Variants in DOCK7 observed in about 807,000 individuals in gnomAD.
DOCK7 encodes the protein dedicator of cytokinesis protein 7.
DOCK7 carries 138 observed loss-of-function variants against 271.0 expected under a neutral mutation model. The ratio of observed to expected loss-of-function variants is 0.51; its 90% CI spans 0.44 to 0.59. The LOEUF (loss-of-function observed/expected upper bound fraction) is 0.59. Ranked by LOEUF, DOCK7 falls within the 20% of genes least tolerant of loss-of-function variation. DOCK7 has a pLI of 0.00. For missense variants in DOCK7, 2,066 were observed against 2,592.4 expected (o/e 0.80, Z 4.41); for synonymous variants, 823 against 876.1 (o/e 0.94, Z 1.07).
intron 14 of DOCK7, among the ~76,000 whole-genome samples, chr1:62,613,555 T>C (rs1652068374): frequency 6.6e-6 from 1 of 152,164 alleles, no homozygotes; most frequent in Non-Finnish European, 1.5e-5. Context: ...AAAGTGTACA[T>C]AATAAAAGTA....
intron 29 of DOCK7, among the ~76,000 whole-genome samples, chr1:62,531,080 C>T (rs115304195): frequency 7.2e-4 from 110 of 152,308 alleles, no homozygotes; most frequent in African/African-American, 2.5e-3. Context: ...GACACTTTGT[C>T]ACCTTATATA....
Position 62,646,410 on chromosome 1 carries a change from A to G in DOCK7, c.818+1281T>C, listed in dbSNP as rs150432509. Among the ~76,000 whole-genome samples the G allele has an allele frequency of 3.6e-4, 55 of 152,240 alleles. 2 individuals carry two copies. In the East Asian group the frequency reaches 7.8e-3, roughly 21 times the overall value. ...TGAAATGTATCATCCCCCAAAATTCATATGTTAAAGCCCTAACCCCCAATG... is the reference window on the plus strand; with the variant it reads ...TGAAATGTATCATCCCCCAAAATTCGTATGTTAAAGCCCTAACCCCCAATG... On this transcript the variant is annotated intron_variant, in intron 7 of 49. Coordinates refer to ENST00000635253, the MANE Select transcript of DOCK7 (RefSeq NM_001367561.1).
intron 43 of DOCK7, chr1:62,482,689 C>T (rs1432313413): frequency 6.6e-6 from 1 of 152,210 alleles, no homozygotes; most frequent in South Asian, 2.1e-4. Flanking sequence ...TTAGCATAAC[C>T]CCTGAACTAT....
rs563758834 is a variant in DOCK7 at position 62,583,401 on chromosome 1, T to A, written c.1801-147A>T. On this transcript the variant is annotated intron_variant, in intron 15 of 49. Transcript: ENST00000635253. ...AGAACAATGTGCCTACTGACGTTCA[T>A]CAAAAAGTTCAATTGCTTAACTATA... is the stretch of plus-strand genomic sequence containing the variant. The A allele has an allele frequency of 1.5e-5, 9 of 586,066 alleles. No homozygotes were observed. In the African/African-American group the frequency reaches 1.6e-4, roughly 11 times the overall value. The allele number at this position is 586,066 out of a possible 1,614,324, so 36.3% of individuals were successfully genotyped here. A position where few individuals can be genotyped will look rare whatever the true frequency, so the allele number is the denominator to read the frequency against.
chr1:62,525,279 G>T (rs1644972964), intron 31 of DOCK7, among the ~76,000 whole-genome samples: 1 of 151,984 alleles, frequency 6.6e-6, no homozygotes, highest in African/African-American at 2.4e-5. Flanking sequence ...AAAGTGCTGG[G>T]ATTACAGGCG....
chr1:62,514,195 T>C lies in DOCK7; in HGVS notation c.3937-297A>G, dbSNP rs537350040. On this transcript the variant is annotated intron_variant, in intron 31 of 49. Coordinates refer to ENST00000635253, the MANE Select transcript of DOCK7 (RefSeq NM_001367561.1). Reference sequence around the variant, plus strand: ...AAACATAAAGATAAAAACTAAAAGATTCTACCATTAAAAACTAAAAGATAT... The same window carrying C: ...AAACATAAAGATAAAAACTAAAAGACTCTACCATTAAAAACTAAAAGATAT... 2.0e-5 allele frequency among the ~76,000 whole-genome samples: 3 copies of C among 152,080 alleles called. No homozygotes were observed. The East Asian group carries it at 5.8e-4, about 29-fold the overall frequency.
chr1:62,619,467 C>A (rs183938113), intron 13 of DOCK7, among the ~76,000 whole-genome samples: 124 of 152,314 alleles, frequency 8.1e-4, no homozygotes, highest in African/African-American at 2.9e-3. Context: ...CCTATACATA[C>A]ATGCCTACAA....
chr1:62,558,087 T>G (rs756780261), intron 20 of DOCK7, among the ~76,000 whole-genome samples: 13 of 152,146 alleles, frequency 8.5e-5, no homozygotes, highest in Non-Finnish European at 1.6e-4. Context: ...TTTCCTAAAG[T>G]GTGGAAGACC....
At chr1:62,508,511 AT>A (rs978144801) in intron 34 of DOCK7, among the ~76,000 whole-genome samples, 6 of 152,096 alleles carry the variant, frequency 3.9e-5, no homozygotes, top group East Asian at 1.9e-4. Context: ...TTTTCCCCCA[AT>A]TTTTTTTATA....
intron 34 of DOCK7, among the ~76,000 whole-genome samples, chr1:62,509,946 A>G (rs183550946): frequency 5.9e-4 from 90 of 152,326 alleles, no homozygotes; most frequent in Non-Finnish European, 1.2e-3. Flanking sequence ...CAAACCTGAA[A>G]TGAGTTGGTC....
intron 35 of DOCK7, 57 bp downstream of exon 35, chr1:62,507,905 C>T: frequency 1.3e-6 from 2 of 1,512,136 alleles, no homozygotes; most frequent in Admixed American, 1.8e-5. Context: ...AACACTTTTC[C>T]CTCCAACCTC....
At chr1:62,474,115 GT>G in intron 47 of DOCK7, 27 bp from the exon 48 acceptor site, 3 of 1,569,284 alleles carry the variant, frequency 1.9e-6, no homozygotes, top group South Asian at 1.1e-5. Flanking sequence ...TAAGAAGTGT[GT>G]TTTTTTGTTA....
intron 41 of DOCK7, chr1:62,492,384 GCTCAAGCAATCCTCCCACCTCAGCCT>G: frequency 3.8e-6 from 1 of 266,408 alleles, no homozygotes; most frequent in Non-Finnish European, 7.1e-6. Flanking sequence ...AACCTCTTGG[GCTCAAGCAATCCTCCCACCTCAGCCT>G]CTCAAGTAGC....
chr1:62,582,586 A>C (rs1200755270), intron 16 of DOCK7, among the ~76,000 whole-genome samples: 1 of 149,292 alleles, frequency 6.7e-6, no homozygotes, highest in African/African-American at 2.4e-5. Flanking sequence ...AAAAGATTAT[A>C]AAAGAGCTGT....
At chr1:62,604,225 G>A in intron 14 of DOCK7, 4 of 1,613,050 alleles carry the variant, frequency 2.5e-6, no homozygotes, top group Non-Finnish European at 3.4e-6. Flanking sequence ...ACTGTCCAGA[G>A]GGTTATTCAG....
In DOCK7 at chr1:62,542,814, C is replaced by T. The variant is rs889279272; in HGVS notation, c.2950-111G>A. On this transcript the variant is annotated intron_variant, in intron 24 of 49. Transcript: ENST00000635253. ...TATAATGAGAATAAGCAAAATAAGG[C>T]ACGTGAACCATTCAATGATGCACTG... 1.1e-5 allele frequency: 10 copies of T among 919,830 alleles called. No individual in the cohort carries two copies. In the African/African-American group the frequency reaches 1.7e-4, roughly 15 times the overall value. 57.0% of individuals were successfully genotyped at this position (919,830 alleles called of 1,614,324 possible). A position where few individuals can be genotyped will look rare whatever the true frequency, so the allele number is the denominator to read the frequency against.
intron 4 of DOCK7, among the ~76,000 whole-genome samples, chr1:62,651,923 C>T (rs778804292): frequency 6.6e-6 from 1 of 152,136 alleles, no homozygotes; most frequent in Non-Finnish European, 1.5e-5. Context: ...CTTACCCCAG[C>T]CCATATCCAG....
intron 14 of DOCK7, among the ~76,000 whole-genome samples, chr1:62,598,324 C>T (rs888263142): frequency 1.3e-5 from 2 of 151,674 alleles, no homozygotes; most frequent in Admixed American, 6.6e-5. Flanking sequence ...ATCTAGAACA[C>T]TATGTCATTA....
At chr1:62,620,703 A>G (rs1653082332) in intron 12 of DOCK7, among the ~76,000 whole-genome samples, 1 of 151,748 alleles carries the variant, frequency 6.6e-6, no homozygotes, top group Non-Finnish European at 1.5e-5. Flanking sequence ...ACACAGTGAA[A>G]CCCTGTCTCT....
Sources: allele counts gnomAD v4.1 joint callset (sites outside exome capture counted in the v4.1 genomes callset), GRCh38; gene constraint gnomAD v4.1.1; transcripts MANE v1.5; gene names NCBI Gene and HGNC (gene_info 2026-07-23, HGNC 2026-07-21).